SVIL: variants seen among roughly 807,000 people sequenced by gnomAD.
The protein encoded by SVIL is archvillin.
In SVIL, 101 loss-of-function variants were observed where a neutral mutation model predicts 240.4. That is an observed-to-expected ratio of 0.42 (90% CI 0.36 to 0.50). The LOEUF is 0.50. SVIL is among the 20% of genes least tolerant of loss of function. The pLI, the probability that SVIL is intolerant of heterozygous loss-of-function variation, is 0.01. For missense variants in SVIL, 2,512 were observed against 2,818.7 expected (o/e 0.89, Z 2.46); for synonymous variants, 999 against 1,100.0 (o/e 0.91, Z 1.82).
intron 2 of SVIL, among the ~76,000 whole-genome samples, chr10:29,678,600 AC>A (rs1353424178): frequency 5.3e-5 from 8 of 152,264 alleles, no homozygotes; most frequent in African/African-American, 9.6e-5. Flanking sequence ...CTTGCTAGAA[AC>A]CCTGCATCTG....
intron 17 of SVIL, among the ~76,000 whole-genome samples, chr10:29,505,738 G>A (rs1204524608): frequency 6.6e-6 from 1 of 152,180 alleles, no homozygotes; most frequent in Admixed American, 6.5e-5. Context: ...ACTCTGGAGG[G>A]GGATGTTGAT....
At chr10:29,622,812 C>T (rs891994537) in intron 1 of SVIL, among the ~76,000 whole-genome samples, 1 of 152,268 alleles carries the variant, frequency 6.6e-6, no homozygotes. Flanking sequence ...CACTCTGTCC[C>T]GGAATTCAAA....
At chr10:29,572,317 A>T (rs1955462790) in intron 1 of SVIL, among the ~76,000 whole-genome samples, 1 of 152,104 alleles carries the variant, frequency 6.6e-6, no homozygotes, top group Non-Finnish European at 1.5e-5. Flanking sequence ...TAGGATAGTT[A>T]AAAAAAACTC....
chr10:29,609,104 G>C (rs560150095), intron 1 of SVIL, among the ~76,000 whole-genome samples: 120 of 152,338 alleles, frequency 7.9e-4, no homozygotes, highest in African/African-American at 2.6e-3. Flanking sequence ...CCTGACAGCT[G>C]TTCTGTCACT....
At chr10:29,636,102 G>GTT (rs561377211), upstream of SVIL, among the ~76,000 whole-genome samples, 45 of 137,750 alleles carry the variant, frequency 3.3e-4, no homozygotes, top group African/African-American at 6.6e-4. Context: ...CCAGTCAACT[G>GTT]TTTTTTTTTT....
intron 18 of SVIL, among the ~76,000 whole-genome samples, chr10:29,496,913 G>T (rs565061194): frequency 2.0e-5 from 3 of 152,206 alleles, no homozygotes; most frequent in Non-Finnish European, 2.9e-5. Context: ...CTGAGGTCTG[G>T]TTCAAGTTCT....
chr10:29,615,974 G>A (rs1273721793), intron 1 of SVIL, among the ~76,000 whole-genome samples: 4 of 152,148 alleles, frequency 2.6e-5, no homozygotes, highest in Admixed American at 1.3e-4. Flanking sequence ...CAATGACATG[G>A]CATGATACCC....
intron 16 of SVIL, among the ~76,000 whole-genome samples, chr10:29,515,241 C>T (rs1441942722): frequency 6.6e-6 from 1 of 152,190 alleles, no homozygotes; most frequent in Admixed American, 6.5e-5. Context: ...GAATGTTTAA[C>T]AACACCCTGC....
chr10:29,718,802 T>C (rs1963797856), intron 1 of SVIL, among the ~76,000 whole-genome samples: 1 of 152,114 alleles, frequency 6.6e-6, no homozygotes, highest in Non-Finnish European at 1.5e-5. Context: ...CAGTGTCTGT[T>C]TCCACCTGAT....
chr10:29,550,659 C>T lies in SVIL; in HGVS notation c.765G>A (p.Gln255=). The stretch of plus-strand genomic sequence containing the variant: ...AGGAGGGGCTCCGGGAGGCTGCCTG[C>T]TGCAGGGAGGAGCTGTGGGCGTGCT... The part of the protein sequence containing the change: ...SPKHAHSSSL[Q]QAASRSPSFG... The change falls in exon 6 of 38, where the codon CAG becomes CAA. Residue 255 remains glutamine (Q), a synonymous_variant. Transcript: ENST00000355867. 2 of 1,613,926 alleles carry T rather than the reference C, an allele frequency of 1.2e-6. No individual in the cohort carries two copies. The highest frequency in any genetic ancestry group is 3.3e-4 in the Middle Eastern group (2 of 6,056).
Position 29,555,121 on chromosome 10 carries a change from CA to C in SVIL, c.-50-14del. On this transcript the variant is annotated splice_polypyrimidine_tract_variant and intron_variant, in intron 3 of 37. Coordinates refer to ENST00000355867, the MANE Select transcript of SVIL (RefSeq NM_021738.3). Reference sequence around the variant, plus strand: ...CTTAATTCTGCAACTGGAAGAAAACCAAAAAAGAACAAAATATAGTATTTAG... The same window carrying C: ...CTTAATTCTGCAACTGGAAGAAAACCAAAAAGAACAAAATATAGTATTTAG... 2 of 1,593,112 alleles carry C rather than the reference CA, an allele frequency of 1.3e-6. No homozygotes were observed. Among genetic ancestry groups the C allele is most frequent in the Non-Finnish European group, 1.7e-6 (2 of 1,171,788 alleles).
At position 29,532,812 on chromosome 10, in the gene SVIL, T is replaced by C; in HGVS notation, c.1555A>G (p.Ile519Val). 6.2e-7 allele frequency: 1 copy of C among 1,614,100 alleles called. No homozygotes were observed. Among genetic ancestry groups the C allele is most frequent in the Non-Finnish European group, 8.5e-7 (1 of 1,180,020 alleles). ...TCTTGGGACACAGGCTCACTTTGAA[T>C]GTAGAGAACCATCTCGCTCCTGCCT... ...RTGRSEMVLY[I>V]QSEPVSQDAK... The change falls in exon 8 of 38, where the codon ATT (isoleucine) becomes GTT (valine). Residue 519 changes from isoleucine (I) to valine (V), a missense_variant. Transcript: ENST00000355867.
chr10:29,495,962 C>CA (rs1303500178), intron 18 of SVIL, among the ~76,000 whole-genome samples: 12 of 151,868 alleles, frequency 7.9e-5, no homozygotes, highest in African/African-American at 1.7e-4. Flanking sequence ...AGTGCATTTA[C>CA]AAAAAAACAA....
chr10:29,645,742 T>C (rs1958634774), intron 3 of SVIL, among the ~76,000 whole-genome samples: 1 of 152,194 alleles, frequency 6.6e-6, no homozygotes, highest in Non-Finnish European at 1.5e-5. Flanking sequence ...GCAGATCAGA[T>C]AACCCTTTGA....
intron 17 of SVIL, among the ~76,000 whole-genome samples, chr10:29,505,189 G>A (rs1288383483): frequency 6.6e-6 from 1 of 152,130 alleles, no homozygotes; most frequent in Admixed American, 6.5e-5. Flanking sequence ...CCTGGGGTGT[G>A]GTGGCGGGCG....
At chr10:29,722,445 A>G (rs1021465062) in intron 1 of SVIL, among the ~76,000 whole-genome samples, 1 of 152,168 alleles carries the variant, frequency 6.6e-6, no homozygotes, top group African/African-American at 2.4e-5. Flanking sequence ...CCAAAAAGCT[A>G]GGTTAAGAAA....
At chr10:29,491,191 G>A (rs1030347970) in intron 21 of SVIL, among the ~76,000 whole-genome samples, 172 bp from the exon 22 acceptor site, 1 of 152,092 alleles carries the variant, frequency 6.6e-6, no homozygotes. Flanking sequence ...ATGGAAGAGG[G>A]ATGCAAGCCC....
At chr10:29,732,828 T>C (rs548642316) in intron 1 of SVIL, among the ~76,000 whole-genome samples, 14 of 152,230 alleles carry the variant, frequency 9.2e-5, no homozygotes, top group African/African-American at 3.4e-4. Flanking sequence ...ACATATTTCC[T>C]TTTCACCAGT....
At chr10:29,496,599 G>A (rs920928765) in intron 18 of SVIL, 9 of 295,496 alleles carry the variant, frequency 3.0e-5, no homozygotes, top group African/African-American at 1.8e-4. Flanking sequence ...CTATGCAAAC[G>A]TGCTCCCCAC....
Sources: allele counts gnomAD v4.1 joint callset (sites outside exome capture counted in the v4.1 genomes callset), GRCh38; gene constraint gnomAD v4.1.1; transcripts MANE v1.5; gene names NCBI Gene and HGNC (gene_info 2026-07-23, HGNC 2026-07-21).